Variants in CNBD1 observed in about 807,000 individuals in gnomAD.
The protein encoded by CNBD1 is cyclic nucleotide binding domain containing 1.
In CNBD1, 71 loss-of-function variants were observed where a neutral mutation model predicts 54.4. The ratio of observed to expected loss-of-function variants is 1.30; its 90% CI spans 1.08 to 1.59. The LOEUF (loss-of-function observed/expected upper bound fraction) is 1.59, where lower values mean the gene tolerates loss of function less well. Among genes scored for constraint, CNBD1 ranks in the 40% most tolerant of loss-of-function variants. CNBD1 has a pLI of 0.00. For missense variants in CNBD1, 659 were observed against 518.0 expected (o/e 1.27, Z -2.64); for synonymous variants, 182 against 170.7 (o/e 1.07, Z -0.51).
Position 87,342,289 on chromosome 8 carries a change from A to G in CNBD1, c.1043-9396A>G, listed in dbSNP as rs146554667. On this transcript the variant is annotated intron_variant, in intron 8 of 10. Coordinates refer to ENST00000518476, the MANE Select transcript of CNBD1 (RefSeq NM_173538.3). The stretch of plus-strand genomic sequence containing the variant: ...CTCCATCTCAAAAAGAAAAAAAAAA[A>G]AAAGAAAACTCATCTGTGTACTCTT... Among the ~76,000 whole-genome samples, 25 of 152,062 alleles carry G rather than the reference A, an allele frequency of 1.6e-4. 1 individual carries two copies. In the East Asian group the frequency reaches 4.8e-3, roughly 29 times the overall value.
chr8:87,412,932 G>A (rs1159410981), intron 2 of CNBD1, among the ~76,000 whole-genome samples: 3 of 152,172 alleles, frequency 2.0e-5, no homozygotes, highest in South Asian at 4.1e-4. Context: ...CAGGGTAGGT[G>A]GAGGGATGAT....
chr8:87,042,120 C>T (rs1390279967), intron 4 of CNBD1, among the ~76,000 whole-genome samples: 1 of 152,160 alleles, frequency 6.6e-6, no homozygotes, highest in African/African-American at 2.4e-5. Context: ...ACTTTTCGGC[C>T]TGTGCTCTTT....
At chr8:87,184,478 C>A (rs1212830327) in intron 4 of CNBD1, among the ~76,000 whole-genome samples, 1 of 152,162 alleles carries the variant, frequency 6.6e-6, no homozygotes, top group Non-Finnish European at 1.5e-5. Context: ...CCAGCCTTTC[C>A]CACGCCAAAC....
intron 8 of CNBD1, among the ~76,000 whole-genome samples, chr8:87,344,478 G>T (rs1443172163): frequency 3.3e-5 from 5 of 151,844 alleles, no homozygotes; most frequent in Non-Finnish European, 7.4e-5. Flanking sequence ...TGTCACTATT[G>T]TGTACAGAAA....
At chr8:87,411,397 C>CATGTATATATATATATAT (rs1554588018) in intron 2 of CNBD1, among the ~76,000 whole-genome samples, 9 of 92,412 alleles carry the variant, frequency 9.7e-5, no homozygotes, top group Non-Finnish European at 1.4e-4. Context: ...CTAGCTATAT[C>CATGTATATATATATATAT]ATATATATAT....
intron 4 of CNBD1, among the ~76,000 whole-genome samples, chr8:87,108,499 G>A (rs1811589794): frequency 6.6e-6 from 1 of 152,070 alleles, no homozygotes; most frequent in African/African-American, 2.4e-5. Context: ...ATTGTGACAT[G>A]ATATTTATGC....
intron 4 of CNBD1, among the ~76,000 whole-genome samples, chr8:87,140,416 C>T (rs1187916567): frequency 6.6e-6 from 1 of 152,118 alleles, no homozygotes; most frequent in Non-Finnish European, 1.5e-5. Flanking sequence ...AGAATTGATA[C>T]TTCCTCAAAC....
intron 4 of CNBD1, among the ~76,000 whole-genome samples, chr8:87,132,690 CAT>C (rs940374080): frequency 2.7e-5 from 4 of 145,718 alleles, no homozygotes; most frequent in Non-Finnish European, 6.0e-5. Context: ...TTATATATAT[CAT>C]ATATAGTTTC....
chr8:87,269,069 G>A (rs1214237145), intron 6 of CNBD1, among the ~76,000 whole-genome samples: 2 of 152,052 alleles, frequency 1.3e-5, no homozygotes, highest in Non-Finnish European at 2.9e-5. Context: ...TTACATTTAA[G>A]TCTTTAATCC....
At chr8:87,181,395 A>C (rs1245262373) in intron 4 of CNBD1, among the ~76,000 whole-genome samples, 1 of 152,126 alleles carries the variant, frequency 6.6e-6, no homozygotes, top group African/African-American at 2.4e-5. Context: ...ACAATTTCAA[A>C]TTTTATTTCT....
intron 6 of CNBD1, among the ~76,000 whole-genome samples, chr8:87,273,572 G>A (rs574056187): frequency 5.0e-4 from 76 of 152,072 alleles, no homozygotes; most frequent in African/African-American, 1.7e-3. Context: ...TGCAGCCTGA[G>A]CTGTTCAGGA....
At chr8:87,119,514 T>G (rs898533420) in intron 4 of CNBD1, among the ~76,000 whole-genome samples, 2 of 152,100 alleles carry the variant, frequency 1.3e-5, no homozygotes, top group African/African-American at 4.8e-5. Flanking sequence ...TATAAGGTCA[T>G]ATCATCAGCA....
chr8:87,334,208 C>G (rs913417951), intron 8 of CNBD1, among the ~76,000 whole-genome samples: 3 of 152,048 alleles, frequency 2.0e-5, no homozygotes, highest in Non-Finnish European at 4.4e-5. Flanking sequence ...GCTTGTATTT[C>G]TTTGGGTCAG....
intron 4 of CNBD1, among the ~76,000 whole-genome samples, chr8:87,129,069 C>CAAAAAAAGA (rs1554557984): frequency 1.1e-4 from 3 of 26,176 alleles, no homozygotes; most frequent in African/African-American, 3.1e-4. Context: ...GACTCTGCCT[C>CAAAAAAAGA]AAAAAAAAAA....
chr8:87,388,291 T>G (rs1680625128), intron 2 of CNBD1, among the ~76,000 whole-genome samples: 1 of 152,124 alleles, frequency 6.6e-6, no homozygotes, highest in Middle Eastern at 3.4e-3. Context: ...CAAAAAACCC[T>G]TCAAAAAATC....
At chr8:87,319,687 C>T (rs1020299898) in intron 8 of CNBD1, among the ~76,000 whole-genome samples, 2 of 151,930 alleles carry the variant, frequency 1.3e-5, no homozygotes, top group African/African-American at 4.8e-5. Flanking sequence ...GTTTTTACCT[C>T]AATTTAAGTT....
intron 8 of CNBD1, among the ~76,000 whole-genome samples, chr8:87,348,331 G>A (rs1056903901): frequency 1.3e-5 from 2 of 152,052 alleles, no homozygotes; most frequent in African/African-American, 2.4e-5. Context: ...GTAAAGTATT[G>A]ATGTTTACAT....
At chr8:87,053,238 C>A (rs1810347851) in intron 4 of CNBD1, among the ~76,000 whole-genome samples, 1 of 152,218 alleles carries the variant, frequency 6.6e-6, no homozygotes, top group Admixed American at 6.5e-5. Flanking sequence ...CATTTGCCCT[C>A]CTGTCTGCAG....
chr8:86,867,772 G>A (rs1359877610), intron 1 of CNBD1, among the ~76,000 whole-genome samples: 3 of 152,098 alleles, frequency 2.0e-5, no homozygotes, highest in Non-Finnish European at 4.4e-5. Context: ...CAGGAAACTC[G>A]GTAGCTGGGA....
Sources: allele counts gnomAD v4.1 joint callset (sites outside exome capture counted in the v4.1 genomes callset), GRCh38; gene constraint gnomAD v4.1.1; transcripts MANE v1.5; gene names NCBI Gene and HGNC (gene_info 2026-07-23, HGNC 2026-07-21).